The following ELF4 variants were observed in gnomAD, a reference collection of about 807,000 sequenced individuals.
The protein encoded by ELF4 is ETS-related transcription factor Elf-4.
A neutral mutation model predicts 31.7 loss-of-function variants in ELF4; 10 were observed. The ratio of observed to expected loss-of-function variants is 0.32; its 90% CI spans 0.19 to 0.54. ELF4 has a LOEUF of 0.54. ELF4 is among the 20% of genes least tolerant of loss of function. The probability of loss-of-function intolerance (pLI) is 0.95; values close to 1 mark genes in which losing one functional copy is unlikely to be tolerated. For missense variants in ELF4, 418 were observed against 522.0 expected (o/e 0.80, Z 1.94); for synonymous variants, 208 against 226.7 (o/e 0.92, Z 0.74).
chrX:130,069,753 GCTC>G, intron 7 of ELF4, 76 bp from the exon 8 acceptor site: 1 of 1,185,889 alleles, frequency 8.4e-7, no homozygotes, highest in South Asian at 1.8e-5. Flanking sequence ...TCTCCCCAGT[GCTC>G]CTCCCCGAGG....
At chrX:130,071,459 A>G (rs1261890708) in intron 5 of ELF4, 40 bp from the exon 6 acceptor site, 2 of 1,181,964 alleles carry the variant, frequency 1.7e-6, no homozygotes, top group Non-Finnish European at 1.1e-6. Flanking sequence ...GCAGCTCCCA[A>G]GAGAGGGCCC....
At chrX:130,070,778 A>AT (rs2124613765) in intron 7 of ELF4, among the ~76,000 whole-genome samples, 1 of 101,286 alleles carries the variant, frequency 9.9e-6, no homozygotes, top group South Asian at 4.7e-4. Context: ...TCTCAAAAAA[A>AT]AAAAAAAAAA....
chrX:130,075,571 C>T (rs56243056), intron 2 of ELF4, among the ~76,000 whole-genome samples: 25,381 of 111,589 alleles, frequency 0.23, 2,365 homozygotes, highest in Admixed American at 0.36. Flanking sequence ...CCACTGCACC[C>T]GGCCAGGCAA....
rs765306408 is a variant in ELF4, at chrX:130,066,720, C to T, written c.*1G>A. 31 of 1,208,155 alleles carry T rather than the reference C, an allele frequency of 2.6e-5. No homozygotes were observed. The South Asian group carries it at 4.6e-4, about 18-fold the overall frequency. ...GGTCACACTTGCCCTGACCCCTTTG[C>T]TTATATGTCATGGGGCTCCATCTTA... is the stretch of plus-strand genomic sequence containing the variant. On this transcript the variant is annotated 3_prime_UTR_variant, in exon 9 of 9. Coordinates refer to ENST00000308167, the MANE Select transcript of ELF4 (RefSeq NM_001421.4).
intron 1 of ELF4, among the ~76,000 whole-genome samples, chrX:130,099,711 T>C (rs1275653291): frequency 1.8e-5 from 2 of 108,992 alleles, no homozygotes; most frequent in African/African-American, 3.3e-5. Flanking sequence ...CTATCTCGGC[T>C]CACGGCAACC....
chrX:130,092,737 G>A (rs898366113), intron 1 of ELF4, among the ~76,000 whole-genome samples: 1 of 111,747 alleles, frequency 8.9e-6, no homozygotes, highest in Non-Finnish European at 1.9e-5. Flanking sequence ...TGAAGCAAGA[G>A]GATGAGAGGT....
intron 1 of ELF4, among the ~76,000 whole-genome samples, chrX:130,089,156 C>T (rs1036272597): frequency 6.4e-5 from 7 of 110,216 alleles, no homozygotes; most frequent in Non-Finnish European, 5.7e-5. Flanking sequence ...CAGAAGTCAT[C>T]GAGAGCTCCT....
rs1173969947 is a variant in ELF4 at position 130,067,101 on chromosome X, C to T, written c.1612G>A (p.Glu538Lys). ...TAGGAGGAGGACCTCAGTGGCCCCT[C>T]CTTGACCCTAGGGGCTGCTGTAGTG... is the stretch of plus-strand genomic sequence containing the variant. Reference protein sequence around the residue: ...SGTTAAPRVKEGPLRSSSYVQ... With the variant: ...SGTTAAPRVKKGPLRSSSYVQ... The change falls in exon 9 of 9, where the codon GAG (glutamate) becomes AAG (lysine). Residue 538 changes from glutamate to lysine, a missense_variant. Transcript: ENST00000308167. The T allele has an allele frequency of 3.3e-6, 4 of 1,205,016 alleles. No individual in the cohort carries two copies. The highest frequency in any genetic ancestry group is 4.5e-6 in the Non-Finnish European group (4 of 891,587).
At chrX:130,103,664 T>C (rs1933324592) in intron 1 of ELF4, among the ~76,000 whole-genome samples, 1 of 111,917 alleles carries the variant, frequency 8.9e-6, no homozygotes, top group Non-Finnish European at 1.9e-5. Flanking sequence ...AATACCTCCT[T>C]GTTATCGGGT....
At chrX:130,089,328 C>T (rs1933011238) in intron 1 of ELF4, among the ~76,000 whole-genome samples, 1 of 106,291 alleles carries the variant, frequency 9.4e-6, no homozygotes, top group Non-Finnish European at 1.9e-5. Context: ...CATGGCAAAA[C>T]CCTGTCTCTA....
chrX:130,093,253 C>A, intron 1 of ELF4, among the ~76,000 whole-genome samples: 1 of 105,330 alleles, frequency 9.5e-6, no homozygotes, highest in Non-Finnish European at 1.9e-5. Context: ...TGCAGTGAGC[C>A]AAGATCGCGC....
At position 130,071,043 on chromosome X, in the gene ELF4, A is replaced by G; in HGVS notation, c.806T>C (p.Leu269Pro). 1 of 1,211,827 alleles carries G rather than the reference A, an allele frequency of 8.3e-7. No homozygotes were observed. Among genetic ancestry groups the G allele is most frequent in the Non-Finnish European group, 1.1e-6 (1 of 895,526 alleles). The change falls in exon 7 of 9, where the codon CTA becomes CCA. Residue 269 changes from leucine to proline, a missense_variant. Physicochemically the swap from Leu to Pro is moderately conservative, Grantham distance 98 (BLOSUM62 -3). Around this residue, in one of 4 missense-constraint regions of ELF4, gnomAD observed 35 missense variants for 84.0 expected, o/e 0.42. Transcript: ENST00000308167. ...GCATCATCCCAACAGCTCCTACCTTAGTGCCCGCCCCATTGTCTCATAGTT... is the reference window on the plus strand; with the variant it reads ...GCATCATCCCAACAGCTCCTACCTTGGTGCCCGCCCCATTGTCTCATAGTT... ...DMNYETMGRA[L>P]RYYYQRGILA...
At chrX:130,102,650 C>CA (rs34986443) in intron 1 of ELF4, among the ~76,000 whole-genome samples, 14 of 102,928 alleles carry the variant, frequency 1.4e-4, no homozygotes, top group South Asian at 4.4e-4. Context: ...CATACCTCTA[C>CA]AAAAAAAAAA....
At chrX:130,100,669 C>T (rs1453076623) in intron 1 of ELF4, among the ~76,000 whole-genome samples, 1 of 111,982 alleles carries the variant, frequency 8.9e-6, no homozygotes, top group Non-Finnish European at 1.9e-5. Flanking sequence ...ACCCCCTTCT[C>T]TAAGCCCCCA....
intron 5 of ELF4, 29 bp downstream of exon 5, chrX:130,072,195 GAC>G (rs1365371270): frequency 3.4e-6 from 4 of 1,188,119 alleles, no homozygotes; most frequent in East Asian, 3.0e-5. Flanking sequence ...TCCCCTCGGA[GAC>G]ACACATACAC....
chrX:130,073,162 C>T (rs1282378579), intron 4 of ELF4, among the ~76,000 whole-genome samples: 1 of 109,084 alleles, frequency 9.2e-6, no homozygotes, highest in Admixed American at 9.7e-5. Flanking sequence ...GATCTCGGCT[C>T]ATTGCAACCT....
chrX:130,105,435 G>T (rs1933360672), intron 1 of ELF4, among the ~76,000 whole-genome samples: 3 of 111,432 alleles, frequency 2.7e-5, no homozygotes, highest in Admixed American at 9.6e-5. Flanking sequence ...CTTTGGTGTT[G>T]AAATGTGCTG....
intron 1 of ELF4, among the ~76,000 whole-genome samples, chrX:130,109,787 G>A (rs1305966838): frequency 8.8e-6 from 1 of 113,154 alleles, no homozygotes; most frequent in Non-Finnish European, 1.9e-5. Flanking sequence ...GAGAGTCGGG[G>A]AGAGCGGGAA....
At chrX:130,102,400 C>T (rs1933277777) in intron 1 of ELF4, among the ~76,000 whole-genome samples, 1 of 111,538 alleles carries the variant, frequency 9.0e-6, no homozygotes, top group Non-Finnish European at 1.9e-5. Flanking sequence ...AATAAGTAGA[C>T]CAATCAATGG....
Sources: gnomAD v4.1 joint callset for allele counts (sites outside exome capture counted in the v4.1 genomes callset) on GRCh38, gnomAD v4.1.1 for gene constraint, gnomAD v4.1.1 regional missense constraint, MANE v1.5 for transcripts, NCBI Gene and HGNC (gene_info 2026-07-23, HGNC 2026-07-21) for gene names.